AKAP13: variants seen among roughly 807,000 people sequenced by gnomAD.
AKAP13 encodes A-kinase anchoring protein 13.
A neutral mutation model predicts 264.5 loss-of-function variants in AKAP13; 80 were observed. The observed-to-expected ratio is 0.30, with a 90% CI of 0.25 to 0.36. AKAP13 has a LOEUF of 0.36. Among genes scored for constraint, AKAP13 ranks in the 10% least tolerant of loss-of-function variants. The pLI is 1.00. For missense variants in AKAP13, 3,712 were observed against 3,435.2 expected (o/e 1.08, Z -2.01); for synonymous variants, 1,380 against 1,250.2 (o/e 1.10, Z -2.19).
At chr15:85,635,868 A>G (rs1017192500) in intron 8 of AKAP13, among the ~76,000 whole-genome samples, 2 of 152,210 alleles carry the variant, frequency 1.3e-5, no homozygotes, top group Non-Finnish European at 2.9e-5. Context: ...TTTGTCAGGA[A>G]TCAATGGGCC....
intron 1 of AKAP13, among the ~76,000 whole-genome samples, chr15:85,473,986 T>C (rs555275742): frequency 1.3e-5 from 2 of 152,348 alleles, no homozygotes; most frequent in Admixed American, 6.5e-5. Flanking sequence ...TCCTCACTTC[T>C]TACTTGAACA....
intron 3 of AKAP13, among the ~76,000 whole-genome samples, chr15:85,524,963 C>T (rs971507180): frequency 6.6e-6 from 1 of 151,740 alleles, no homozygotes; most frequent in African/African-American, 2.4e-5. Flanking sequence ...GTGATTTCCC[C>T]TCCTTTTTAA....
chr15:85,418,507 A>G (rs1194109414), intron 1 of AKAP13, among the ~76,000 whole-genome samples: 1 of 152,188 alleles, frequency 6.6e-6, no homozygotes, highest in African/African-American at 2.4e-5. Context: ...GTGGCTCTAT[A>G]ATGGGATTGT....
intron 31 of AKAP13, 109 bp downstream of exon 31, chr15:85,735,259 T>G (rs2088362574): frequency 1.4e-6 from 2 of 1,414,764 alleles, no homozygotes; most frequent in African/African-American, 1.4e-5. Context: ...TCAGCAAATT[T>G]CTTAGTGAGA....
chr15:85,580,750 G>A lies in AKAP13; in HGVS notation c.2682G>A (p.Leu894=). Residue 894 remains leucine (L), a synonymous_variant, in exon 7 of 37, where the codon CTG becomes CTA. Coordinates refer to ENST00000394518, the MANE Select transcript of AKAP13 (RefSeq NM_007200.5). ...LNIKGNTDSS[L]QSVGKATLAL... ...TCAAGGGGAACACTGACTCTTCCCT[G>A]CAAAGTGTGGGTAAGGCCACTTTGG... 1 of 1,614,140 alleles carries A rather than the reference G, an allele frequency of 6.2e-7. No individual in the cohort carries two copies. Among genetic ancestry groups the A allele is most frequent in the Non-Finnish European group, 8.5e-7 (1 of 1,180,020 alleles).
At position 85,419,000 on chromosome 15, in the gene AKAP13, C is replaced by T. The variant is rs529648241; in HGVS notation, c.-12+38202C>T. ...CAGATGTTAAAATAAGAAATGGATT[C>T]TGTGCTCAAGGATGCCACCCTTAAG... On this transcript the variant is annotated intron_variant, in intron 1 of 36. Coordinates refer to ENST00000394518, the MANE Select transcript of AKAP13 (RefSeq NM_007200.5). Among the ~76,000 whole-genome samples the T allele has an allele frequency of 3.9e-5, 6 of 152,298 alleles. No individual in the cohort carries two copies. In the East Asian group the frequency reaches 9.6e-4, roughly 24 times the overall value.
chr15:85,410,318 C>G (rs959963366), intron 1 of AKAP13, among the ~76,000 whole-genome samples: 5 of 151,564 alleles, frequency 3.3e-5, no homozygotes, highest in African/African-American at 9.8e-5. Flanking sequence ...GGGCTGTCTC[C>G]CTACTCATGC....
At chr15:85,634,176 G>T (rs537910186) in intron 8 of AKAP13, among the ~76,000 whole-genome samples, 17 of 151,820 alleles carry the variant, frequency 1.1e-4, no homozygotes, top group African/African-American at 2.9e-4. Flanking sequence ...GTTCTAGTTT[G>T]CCTGGTTATT....
At chr15:85,738,844 CAAAAAAAAAAA>C (rs71468137) in intron 33 of AKAP13, among the ~76,000 whole-genome samples, 3 of 72,426 alleles carry the variant, frequency 4.1e-5, no homozygotes, top group African/African-American at 6.3e-5. Context: ...GACTCCGTCT[CAAAAAAAAAAA>C]AAAAAAAAAA....
At chr15:85,488,521 C>T (rs1038623286) in intron 2 of AKAP13, among the ~76,000 whole-genome samples, 3 of 152,184 alleles carry the variant, frequency 2.0e-5, no homozygotes, top group African/African-American at 7.2e-5. Flanking sequence ...TGAATATTTA[C>T]CTTACATGGC....
chr15:85,633,645 G>A (rs1387110165), intron 8 of AKAP13, among the ~76,000 whole-genome samples: 1 of 142,698 alleles, frequency 7.0e-6, no homozygotes, highest in Middle Eastern at 3.6e-3. Context: ...CCGGGTTCAC[G>A]CCATTCTCCT....
chr15:85,719,029 G>C (rs774825841), intron 22 of AKAP13, 47 bp from the exon 23 acceptor site: 2 of 1,602,218 alleles, frequency 1.2e-6, no homozygotes, highest in East Asian at 4.5e-5. Flanking sequence ...GAGGGCGAAT[G>C]CTTATAAAAG....
chr15:85,449,121 C>G (rs928119787), intron 1 of AKAP13, among the ~76,000 whole-genome samples: 3 of 152,008 alleles, frequency 2.0e-5, no homozygotes, highest in African/African-American at 7.2e-5. Flanking sequence ...TTTCACCTCC[C>G]TGGTTAGCTG....
At chr15:85,387,343 C>T (rs1392117454) in intron 1 of AKAP13, among the ~76,000 whole-genome samples, 1 of 151,566 alleles carries the variant, frequency 6.6e-6, no homozygotes, top group Admixed American at 6.6e-5. Flanking sequence ...CTTAAAAAAA[C>T]AAAAAAAGAT....
rs1456812856 is a variant in AKAP13, at chr15:85,718,571, A to G, written c.6001+412A>G. Among the ~76,000 whole-genome samples, 1 of 152,210 alleles carries G rather than the reference A, an allele frequency of 6.6e-6. No homozygotes were observed. Among genetic ancestry groups the G allele is most frequent in the African/African-American group, 2.4e-5 (1 of 41,442 alleles). Reference sequence around the variant, plus strand: ...ACTGATGGAATCCGGGGTACCTATTATCAGAAAATAGGACACGTGAAAAAT... The same window carrying G: ...ACTGATGGAATCCGGGGTACCTATTGTCAGAAAATAGGACACGTGAAAAAT... On this transcript the variant is annotated intron_variant, in intron 22 of 36. Coordinates refer to ENST00000394518, the MANE Select transcript of AKAP13 (RefSeq NM_007200.5). This position sits in a 1 kb window ranked among gnomAD's most constrained non-coding sequence, Gnocchi z 4.9.
intron 1 of AKAP13, among the ~76,000 whole-genome samples, chr15:85,454,429 T>G (rs1354624331): frequency 6.6e-6 from 1 of 152,158 alleles, no homozygotes; most frequent in Non-Finnish European, 1.5e-5. Context: ...GAGGAACCCC[T>G]GGCTCCGTGT....
intron 8 of AKAP13, chr15:85,619,707 T>C (rs2081089736): frequency 2.0e-6 from 2 of 999,580 alleles, no homozygotes; most frequent in Admixed American, 5.9e-5. Flanking sequence ...TCGGCCGTTA[T>C]GCTTAGCCAG....
In AKAP13 at chr15:85,553,278, G is replaced by A. The variant is rs184110458; in HGVS notation, c.662+9323G>A. Among the ~76,000 whole-genome samples the A allele has an allele frequency of 3.3e-3, 501 of 152,106 alleles. 4 individuals carry two copies. The highest frequency in any genetic ancestry group is 0.011 in the African/African-American group (437 of 41,520). On this transcript the variant is annotated intron_variant, in intron 5 of 36. Transcript: ENST00000394518. ...ATTTTTTGTAGTTTTAGTAGAAACAGGGTTTCACCATATTAACCAGGCTGG... is the reference window on the plus strand; with the variant it reads ...ATTTTTTGTAGTTTTAGTAGAAACAAGGTTTCACCATATTAACCAGGCTGG...
chr15:85,626,688 A>G (rs1003173939), intron 8 of AKAP13, among the ~76,000 whole-genome samples: 3 of 152,242 alleles, frequency 2.0e-5, no homozygotes, highest in Admixed American at 2.0e-4. Flanking sequence ...GTTGCAAATA[A>G]TGCTGTTATG....
Sources: allele counts gnomAD v4.1 joint callset (sites outside exome capture counted in the v4.1 genomes callset), GRCh38; gene constraint gnomAD v4.1.1; non-coding constraint Gnocchi (gnomAD v3.1); transcripts MANE v1.5; gene names NCBI Gene and HGNC (gene_info 2026-07-23, HGNC 2026-07-21).